Variants in NTN4 observed in about 807,000 individuals in gnomAD.
NTN4 encodes netrin-4.
In NTN4, 32 loss-of-function variants were observed where a neutral mutation model predicts 73.6. That is an observed-to-expected ratio of 0.44 (90% CI 0.33 to 0.58). The LOEUF (loss-of-function observed/expected upper bound fraction) is 0.58, where lower values mean the gene tolerates loss of function less well. NTN4 is among the 20% of genes least tolerant of loss of function. The pLI is 0.04. For missense variants in NTN4, 654 were observed against 798.3 expected (o/e 0.82, Z 2.18); for synonymous variants, 258 against 287.5 (o/e 0.90, Z 1.04).
chr12:95,665,638 A>T, intron 9 of NTN4, 172 bp downstream of exon 9: 1 of 500,422 alleles, frequency 2.0e-6, no homozygotes, highest in Non-Finnish European at 3.5e-6. Flanking sequence ...AAGAGAAATA[A>T]TTTTTCGATG....
At chr12:95,697,470 C>A (rs2078451023) in intron 5 of NTN4, among the ~76,000 whole-genome samples, 1 of 152,090 alleles carries the variant, frequency 6.6e-6, no homozygotes. Flanking sequence ...ATTAGTATCT[C>A]TCTTTTCTTG....
chr12:95,668,459 C>T (rs965197276), intron 8 of NTN4, among the ~76,000 whole-genome samples: 6 of 123,274 alleles, frequency 4.9e-5, no homozygotes, highest in Admixed American at 7.9e-5. Flanking sequence ...CTTTATTGAG[C>T]GCTGTACATT....
At position 95,703,360 on chromosome 12, in the gene NTN4, G is replaced by T. The variant is rs577993188; in HGVS notation, c.1180+7081C>A. Among the ~76,000 whole-genome samples the T allele has an allele frequency of 5.3e-5, 8 of 152,168 alleles. No homozygotes were observed. In the South Asian group the frequency reaches 1.5e-3, roughly 28 times the overall value. On this transcript the variant is annotated intron_variant, in intron 5 of 9. Coordinates refer to ENST00000343702, the MANE Select transcript of NTN4 (RefSeq NM_021229.4). Reference sequence around the variant, plus strand: ...GTAGGCTCTAGCACTTGGAAATGGGGAACAAATATATAGAAAAAAATCTTC... The same window carrying T: ...GTAGGCTCTAGCACTTGGAAATGGGTAACAAATATATAGAAAAAAATCTTC...
chr12:95,700,080 A>ATTTGTT, intron 5 of NTN4, among the ~76,000 whole-genome samples: 1 of 41,788 alleles, frequency 2.4e-5, no homozygotes. Flanking sequence ...TAAAGTGAGG[A>ATTTGTT]TTTTTTTTTT....
chr12:95,786,351 T>C (rs1244117598), intron 2 of NTN4, among the ~76,000 whole-genome samples: 9 of 152,126 alleles, frequency 5.9e-5, no homozygotes, highest in Admixed American at 5.2e-4. Flanking sequence ...CACATAGAAA[T>C]TGGATCAGTA....
rs1282661660 is a variant in NTN4, at chr12:95,781,159, T to TGG, written c.585+5778_585+5779dup. Among the ~76,000 whole-genome samples the TGG allele has an allele frequency of 2.6e-5, 4 of 151,890 alleles. No homozygotes were observed. Among genetic ancestry groups the TGG allele is most frequent in the Admixed American group, 6.6e-5 (1 of 15,248 alleles). On this transcript the variant is annotated intron_variant, in intron 2 of 9. Coordinates refer to ENST00000343702, the MANE Select transcript of NTN4 (RefSeq NM_021229.4). This position sits in a 1 kb window ranked among gnomAD's most constrained non-coding sequence, Gnocchi z 4.1. ...CACACACCGGGGCCTGTTGTGGGGT[T>TGG]GGGGGAGCAGGGAGGGATAGCATTA...
intron 9 of NTN4, among the ~76,000 whole-genome samples, chr12:95,664,196 G>A (rs1235109917): frequency 6.6e-6 from 1 of 151,968 alleles, no homozygotes; most frequent in African/African-American, 2.4e-5. Context: ...TGGGACTACA[G>A]GAATTTGCCA....
rs1261343918 is a variant in NTN4 at position 95,786,990 on chromosome 12, G to A, written c.534C>T (p.Gly178=). ...TGGAGTATTTAGAAGTACAAATAGC[G>A]CCCTTCTTGACAACATCATCTTCCA... ...FGLEDDVVKK[G]AICTSKYSSP... Residue 178 remains glycine, a synonymous_variant, in exon 2 of 10, where the codon GGC becomes GGT. Coordinates refer to ENST00000343702, the MANE Select transcript of NTN4 (RefSeq NM_021229.4). The A allele has an allele frequency of 1.9e-6, 3 of 1,613,986 alleles. No homozygotes were observed. Among genetic ancestry groups the A allele is most frequent in the South Asian group, 1.1e-5 (1 of 91,080 alleles).
At chr12:95,677,196 T>C (rs2120969183) in intron 7 of NTN4, among the ~76,000 whole-genome samples, 1 of 151,866 alleles carries the variant, frequency 6.6e-6, no homozygotes, top group Non-Finnish European at 1.5e-5. Flanking sequence ...ACCACTGCAC[T>C]CCAGCCTGGG....
chr12:95,732,396 CTTTTTT>C (rs35575824), intron 3 of NTN4, among the ~76,000 whole-genome samples: 15 of 112,858 alleles, frequency 1.3e-4, no homozygotes, highest in East Asian at 7.1e-4. Context: ...CTTTCTTCCT[CTTTTTT>C]TTTTTTTTTT....
chr12:95,741,639 A>AT (rs56675269), intron 2 of NTN4, among the ~76,000 whole-genome samples: 62,152 of 144,854 alleles, frequency 0.43, 13,778 homozygotes, highest in Non-Finnish European at 0.49. Context: ...ATATATATAT[A>AT]AAAATTATAT....
At chr12:95,722,332 T>C (rs2078654523) in intron 3 of NTN4, among the ~76,000 whole-genome samples, 1 of 152,176 alleles carries the variant, frequency 6.6e-6, no homozygotes, top group South Asian at 2.1e-4. Context: ...GTTGATAACA[T>C]AACCTCACTT....
At chr12:95,732,464 C>A (rs530603697) in intron 3 of NTN4, among the ~76,000 whole-genome samples, 4 of 128,762 alleles carry the variant, frequency 3.1e-5, no homozygotes, top group Non-Finnish European at 5.0e-5. Flanking sequence ...AGTGCAATGG[C>A]GCAATCTCAG....
At chr12:95,739,475 G>A (rs1262391107) in intron 2 of NTN4, among the ~76,000 whole-genome samples, 1 of 152,152 alleles carries the variant, frequency 6.6e-6, no homozygotes, top group Non-Finnish European at 1.5e-5. Context: ...ATATTCAAAA[G>A]TCAGTACAGA....
intron 5 of NTN4, among the ~76,000 whole-genome samples, chr12:95,690,422 T>C (rs2078393464): frequency 6.6e-6 from 1 of 152,220 alleles, no homozygotes; most frequent in African/African-American, 2.4e-5. Context: ...AGTAAAGATT[T>C]TGCCTCTAAA....
chr12:95,788,545 C>T (rs1490743589), intron 1 of NTN4, among the ~76,000 whole-genome samples: 2 of 152,056 alleles, frequency 1.3e-5, no homozygotes, highest in Admixed American at 6.5e-5. Context: ...AAAAGGAAAT[C>T]AACCCTTAAA....
At chr12:95,669,965 C>A in intron 8 of NTN4, 113 bp downstream of exon 8, 1 of 585,224 alleles carries the variant, frequency 1.7e-6, no homozygotes, top group Non-Finnish European at 3.0e-6. Context: ...AAGACTAATG[C>A]TTTGTGCTTT....
At chr12:95,766,374 C>G (rs1395676220) in intron 2 of NTN4, among the ~76,000 whole-genome samples, 1 of 152,226 alleles carries the variant, frequency 6.6e-6, no homozygotes, top group East Asian at 1.9e-4. Context: ...ACCTAAGCCT[C>G]TGAATCTGGA....
At chr12:95,733,507 C>A (rs2078753481) in intron 3 of NTN4, among the ~76,000 whole-genome samples, 1 of 152,210 alleles carries the variant, frequency 6.6e-6, no homozygotes, top group Non-Finnish European at 1.5e-5. Context: ...CACAGAGCAT[C>A]AGACTTTTAA....
Sources: gnomAD v4.1 joint callset for allele counts (sites outside exome capture counted in the v4.1 genomes callset) on GRCh38, gnomAD v4.1.1 for gene constraint, Gnocchi (gnomAD v3.1) non-coding constraint, MANE v1.5 for transcripts, NCBI Gene and HGNC (gene_info 2026-07-23, HGNC 2026-07-21) for gene names.